Variants in NAV1 observed in about 807,000 individuals in gnomAD.
NAV1 encodes the protein neuron navigator 1, also known as pore membrane and/or filament interacting like protein 3.
NAV1 carries 18 observed loss-of-function variants against 175.2 expected under a neutral mutation model. That is an observed-to-expected ratio of 0.10 (90% CI 0.07 to 0.15). NAV1 has a LOEUF of 0.15. Ranked by LOEUF, NAV1 falls within the 10% of genes least tolerant of loss-of-function variation. The pLI is 1.00. For missense variants in NAV1, 1,731 were observed against 2,436.6 expected (o/e 0.71, Z 6.10); for synonymous variants, 897 against 978.7 (o/e 0.92, Z 1.56).
chr1:201,700,548 C>T (rs191567853), intron 1 of NAV1, among the ~76,000 whole-genome samples: 47 of 152,202 alleles, frequency 3.1e-4, no homozygotes, highest in African/African-American at 1.0e-3. Context: ...GGATCTAGAA[C>T]GAGAAATACC....
At chr1:201,704,503 A>G (rs1671580962) in intron 1 of NAV1, among the ~76,000 whole-genome samples, 1 of 152,218 alleles carries the variant, frequency 6.6e-6, no homozygotes, top group African/African-American at 2.4e-5. Context: ...CTGGAGATGA[A>G]GGAGGCGGCT....
chr1:201,609,349 C>T (rs1667781842), intron 2 of NAV1, among the ~76,000 whole-genome samples: 1 of 152,242 alleles, frequency 6.6e-6, no homozygotes, highest in Admixed American at 6.5e-5. Flanking sequence ...CTCCAAATGC[C>T]AGGCTCTGCT....
rs535118414 is a variant in NAV1 at position 201,593,637 on chromosome 1, C to T, written c.-33+4988C>T. Among the ~76,000 whole-genome samples the T allele has an allele frequency of 9.2e-5, 14 of 152,230 alleles. No individual in the cohort carries two copies. In the East Asian group the frequency reaches 2.5e-3, roughly 27 times the overall value. On this transcript the variant is annotated intron_variant, in intron 2 of 33. Transcript: ENST00000685211. Reference sequence around the variant, plus strand: ...CCTCTGAGCTTCCATGTACTGGGCCCGCACGATATGTGCAGTCATTTGTAT... The same window carrying T: ...CCTCTGAGCTTCCATGTACTGGGCCTGCACGATATGTGCAGTCATTTGTAT...
intron 3 of NAV1, among the ~76,000 whole-genome samples, chr1:201,773,629 G>T (rs1489525976): frequency 6.6e-6 from 1 of 152,048 alleles, no homozygotes; most frequent in African/African-American, 2.4e-5. Flanking sequence ...GGAGGGGGAG[G>T]AAAAAGGAGT....
chr1:201,692,941 G>A (rs1033093052), intron 1 of NAV1, among the ~76,000 whole-genome samples: 2 of 152,234 alleles, frequency 1.3e-5, no homozygotes, highest in African/African-American at 4.8e-5. Context: ...TTTCCCAAAG[G>A]AAGTGAGCTG....
At chr1:201,619,506 T>A (rs74136649), upstream of NAV1, among the ~76,000 whole-genome samples, 1 of 152,222 alleles carries the variant, frequency 6.6e-6, no homozygotes, top group Admixed American at 6.5e-5. Flanking sequence ...TTGGCTTTGG[T>A]CCTCATTTTG....
At chr1:201,624,081 C>T (rs564753710) in intron 1 of NAV1, among the ~76,000 whole-genome samples, 37 of 152,212 alleles carry the variant, frequency 2.4e-4, no homozygotes, top group Non-Finnish European at 5.1e-4. Flanking sequence ...GCTTGTTGCA[C>T]TCATACCTTG....
At chr1:201,818,934 G>A (rs1679228451) in intron 29 of NAV1, among the ~76,000 whole-genome samples, 1 of 152,170 alleles carries the variant, frequency 6.6e-6, no homozygotes, top group Non-Finnish European at 1.5e-5. Flanking sequence ...GTAGACAGAA[G>A]AGAATTGTGG....
At chr1:201,581,849 A>G (rs1371818654) in intron 1 of NAV1, among the ~76,000 whole-genome samples, 2 of 152,016 alleles carry the variant, frequency 1.3e-5, no homozygotes, top group African/African-American at 2.4e-5. Flanking sequence ...AAAATAATAA[A>G]GCTCCCTGAT....
At chr1:201,809,004 C>T in intron 20 of NAV1, 133 bp downstream of exon 24, 1 of 1,319,142 alleles carries the variant, frequency 7.6e-7, no homozygotes, top group Non-Finnish European at 1.1e-6. Context: ...TCCTAAGACA[C>T]TGAGTTGTAA....
chr1:201,803,764 C>T (rs1212970035), intron 16 of NAV1, 50 bp downstream of exon 20: 3 of 1,590,748 alleles, frequency 1.9e-6, no homozygotes, highest in Non-Finnish European at 2.6e-6. Flanking sequence ...TGGTGGACCG[C>T]CTTCACCTCA....
At chr1:201,666,201 C>T (rs1669817168) in intron 1 of NAV1, among the ~76,000 whole-genome samples, 1 of 152,098 alleles carries the variant, frequency 6.6e-6, no homozygotes, top group Non-Finnish European at 1.5e-5. Flanking sequence ...GGCTGGGAAG[C>T]CAGCACCTCC....
chr1:201,676,122 T>G (rs1015071004), intron 1 of NAV1, among the ~76,000 whole-genome samples: 1 of 152,168 alleles, frequency 6.6e-6, no homozygotes, highest in African/African-American at 2.4e-5. Context: ...CAAAAGGAGA[T>G]AATTCCAGCC....
intron 2 of NAV1, among the ~76,000 whole-genome samples, chr1:201,715,012 CTGCCTCCCTT>C (rs899736170): frequency 5.3e-5 from 8 of 152,164 alleles, no homozygotes; most frequent in African/African-American, 1.9e-4. Flanking sequence ...CCTCTGGCTT[CTGCCTCCCTT>C]TATAGGAAAG....
chr1:201,813,233 A>G lies in NAV1; in HGVS notation c.5315A>G (p.Gln1772Arg). 6.2e-7 allele frequency: 1 copy of G among 1,613,886 alleles called. No individual in the cohort carries two copies. The highest frequency in any genetic ancestry group is 1.1e-5 in the South Asian group (1 of 91,084). ...AACAACTCTATCATTCCCTATCTAC[A>G]GGAAGGAGCCAAGGATGGGATAAAG... The change falls in exon 28 of 30, where the codon CAG becomes CGG. Residue 1772 changes from glutamine (Q) to arginine (R), a missense_variant. Around this residue, in one of 13 missense-constraint regions of NAV1, gnomAD observed 30 missense variants for 97.3 expected, o/e 0.31. Coordinates refer to ENST00000367296, the Ensembl canonical transcript of NAV1. The surrounding 1 kb of genome is among the most constrained non-coding windows in gnomAD (Gnocchi z 4.2).
intron 1 of NAV1, among the ~76,000 whole-genome samples, chr1:201,568,382 A>G (rs1666427534): frequency 6.6e-6 from 1 of 152,138 alleles, no homozygotes; most frequent in South Asian, 2.1e-4. Flanking sequence ...TCAGCACTCC[A>G]TTGCCACTGC....
chr1:201,733,985 C>G (rs116033595), intron 3 of NAV1, among the ~76,000 whole-genome samples: 1 of 152,146 alleles, frequency 6.6e-6, no homozygotes, highest in Non-Finnish European at 1.5e-5. Context: ...ATGAGGAGAG[C>G]AGACCACAGG....
intron 13 of NAV1, chr1:201,793,116 T>C (rs1273389217): frequency 6.6e-6 from 1 of 152,308 alleles, no homozygotes; most frequent in Non-Finnish European, 1.5e-5. Context: ...CCAAACCAAG[T>C]GGCCTTAGCT....
intron 1 of NAV1, among the ~76,000 whole-genome samples, chr1:201,680,013 GCT>G (rs1670401300): frequency 6.6e-6 from 1 of 152,140 alleles, no homozygotes; most frequent in Non-Finnish European, 1.5e-5. Flanking sequence ...GTTCTGCATT[GCT>G]AAAAAGGAAT....
Sources: gnomAD v4.1 joint callset for allele counts (sites outside exome capture counted in the v4.1 genomes callset) on GRCh38, gnomAD v4.1.1 for gene constraint, gnomAD v4.1.1 regional missense constraint, Gnocchi (gnomAD v3.1) non-coding constraint, MANE v1.5 for transcripts, NCBI Gene and HGNC (gene_info 2026-07-23, HGNC 2026-07-21) for gene names.